The following KCNQ1 variants were observed in gnomAD, a reference collection of about 807,000 sequenced individuals.
KCNQ1 encodes the protein potassium voltage-gated channel subfamily Q member 1.
In KCNQ1, 49 loss-of-function variants were observed where a neutral mutation model predicts 72.4. The observed-to-expected ratio is 0.68, with a 90% CI of 0.54 to 0.86. The LOEUF (loss-of-function observed/expected upper bound fraction) is 0.86. Ranked by LOEUF, KCNQ1 falls within the 40% of genes least tolerant of loss-of-function variation. The probability of loss-of-function intolerance (pLI) is 0.00; values close to 1 mark genes in which losing one functional copy is unlikely to be tolerated. For missense variants in KCNQ1, 790 were observed against 945.1 expected, an observed-to-expected ratio of 0.84 and a Z score of 2.15; for synonymous variants, 450 against 412.6, an observed-to-expected ratio of 1.09 and a Z score of -1.10.
At chr11:2,520,889 T>C (rs1267522744) in intron 1 of KCNQ1, among the ~76,000 whole-genome samples, 2 of 152,146 alleles carry the variant, frequency 1.3e-5, no homozygotes, top group Non-Finnish European at 2.9e-5. Context: ...GCCTTCGGCT[T>C]TAGGTTCGCT....
intron 15 of KCNQ1, among the ~76,000 whole-genome samples, chr11:2,845,495 GGCCCCT>G (rs796776143): frequency 1.2e-4 from 18 of 152,282 alleles, no homozygotes; most frequent in African/African-American, 3.6e-4. Flanking sequence ...GATGGCCCTG[GGCCCCT>G]GCCCCTGCCA....
At chr11:2,684,412 G>A in intron 11 of KCNQ1, 1 of 398,624 alleles carries the variant, frequency 2.5e-6, no homozygotes, top group Non-Finnish European at 4.4e-6. Context: ...ATTCCTCAGT[G>A]CCCCAGCACC....
At chr11:2,501,862 G>C (rs1159038988) in intron 1 of KCNQ1, among the ~76,000 whole-genome samples, 1 of 152,088 alleles carries the variant, frequency 6.6e-6, no homozygotes, top group African/African-American at 2.4e-5. Context: ...CCAAGTGGGA[G>C]TTATCCCAGG....
intron 1 of KCNQ1, among the ~76,000 whole-genome samples, chr11:2,514,234 T>G (rs1013064991): frequency 6.6e-5 from 10 of 152,232 alleles, no homozygotes; most frequent in Non-Finnish European, 2.9e-5. Flanking sequence ...TGCAGGACAC[T>G]GGCTGCCTCC....
In KCNQ1 at chr11:2,682,475, C is replaced by CAAGTGAGTGAGT. The variant is rs112547618; in HGVS notation, c.1514+20394_1514+20395insAAGTGAGTGAGT. 2.6e-6 allele frequency: 1 copy of CAAGTGAGTGAGT among 389,392 alleles called. No individual in the cohort carries two copies. Among genetic ancestry groups the CAAGTGAGTGAGT allele is most frequent in the African/African-American group, 2.1e-5 (1 of 47,568 alleles). The allele number at this position is 389,392 out of a possible 1,614,324, so 24.1% of individuals were successfully genotyped here. Reference sequence around the variant, plus strand: ...TCACGGACCCTCAGTGAATGTTTGACGAGTGAGTGAGTGAGTGAGTGAGTG... The same window carrying CAAGTGAGTGAGT: ...TCACGGACCCTCAGTGAATGTTTGACAAGTGAGTGAGTGAGTGAGTGAGTGAGTGAGTGAGTG... On this transcript the variant is annotated intron_variant, in intron 11 of 15. Transcript: ENST00000155840. The surrounding 1 kb of genome is among the most constrained non-coding windows in gnomAD (Gnocchi z 5.8).
rs1848264620 is a variant in KCNQ1, at chr11:2,567,541, T to C, written c.478-3087T>C. Among the ~76,000 whole-genome samples, 1 of 152,184 alleles carries C rather than the reference T, an allele frequency of 6.6e-6. No individual in the cohort carries two copies. Among genetic ancestry groups the C allele is most frequent in the Non-Finnish European group, 1.5e-5 (1 of 68,032 alleles). On this transcript the variant is annotated intron_variant, in intron 2 of 15. Coordinates refer to ENST00000155840, the MANE Select transcript of KCNQ1 (RefSeq NM_000218.3). The surrounding 1 kb of genome is among the most constrained non-coding windows in gnomAD (Gnocchi z 6.6). ...AGCCCAGGAGAGCGTTTGAGGCTGA[T>C]GGTGGTGGAGATAGTTTTATCTCTG...
rs770580299 is a variant in KCNQ1 at position 2,848,117 on chromosome 11, C to T, written c.*114C>T. The T allele has an allele frequency of 3.3e-6, 3 of 896,530 alleles. No homozygotes were observed. The Admixed American group carries it at 6.0e-5, about 18-fold the overall frequency. The allele number at this position is 896,530 out of a possible 1,614,324, so 55.5% of individuals were successfully genotyped here. On this transcript the variant is annotated 3_prime_UTR_variant, in exon 16 of 16. Coordinates refer to ENST00000155840, the MANE Select transcript of KCNQ1 (RefSeq NM_000218.3). ...AAAAGGCCCAGAGAGAAGAGCCCCA[C>T]TCTCAGAGGCCCCAATACCCCATGG... is the stretch of plus-strand genomic sequence containing the variant.
In KCNQ1 at chr11:2,781,790, T is replaced by C. The variant is rs907454163; in HGVS notation, c.1794+3753T>C. On this transcript the variant is annotated intron_variant, in intron 15 of 15. Transcript: ENST00000155840. The surrounding 1 kb of genome is among the most constrained non-coding windows in gnomAD (Gnocchi z 6.6). ...CTTTCTTCTCTGTTTTTGCCGGAAA[T>C]GTTCATGGCTGAGAGCCGGACACAG... 7.2e-5 allele frequency among the ~76,000 whole-genome samples: 11 copies of C among 152,186 alleles called. No homozygotes were observed. Among genetic ancestry groups the C allele is most frequent in the African/African-American group, 2.4e-4 (10 of 41,430 alleles).
At chr11:2,605,559 A>G (rs1302567149) in intron 10 of KCNQ1, among the ~76,000 whole-genome samples, 1 of 152,184 alleles carries the variant, frequency 6.6e-6, no homozygotes, top group Non-Finnish European at 1.5e-5. Context: ...TCCGCATTGA[A>G]CATTCTTGGC....
chr11:2,615,338 A>T, intron 10 of KCNQ1: 1 of 398,096 alleles, frequency 2.5e-6, no homozygotes, highest in East Asian at 3.6e-5. Flanking sequence ...GTCATTATTG[A>T]ATAAAGAGTT....
chr11:2,811,673 C>T (rs550844766), intron 15 of KCNQ1, among the ~76,000 whole-genome samples: 26 of 152,312 alleles, frequency 1.7e-4, no homozygotes, highest in Admixed American at 9.1e-4. Context: ...TCCCAGTGGG[C>T]GCGCAGCACA....
Position 2,571,378 on chromosome 11 carries a change from C to A in KCNQ1, c.658C>A (p.Gln220Lys), listed in dbSNP as rs755789171. The A allele has an allele frequency of 1.6e-5, 25 of 1,612,732 alleles. No homozygotes were observed. In the South Asian group the frequency reaches 2.6e-4, roughly 17 times the overall value. Residue 220 changes from glutamine to lysine, a missense_variant, in exon 4 of 16, where the codon CAG becomes AAG. Coordinates refer to ENST00000155840, the MANE Select transcript of KCNQ1 (RefSeq NM_000218.3). Reference sequence around the variant, plus strand: ...GGTCCTCTGCGTGGGCTCCAAGGGGCAGGTGTTTGCCACGTCGGCCATCAG... The same window carrying A: ...GGTCCTCTGCGTGGGCTCCAAGGGGAAGGTGTTTGCCACGTCGGCCATCAG... ...MVVLCVGSKGQVFATSAIRGI... is the reference protein window; with the variant it reads ...MVVLCVGSKGKVFATSAIRGI...
intron 1 of KCNQ1, among the ~76,000 whole-genome samples, chr11:2,527,556 C>G (rs1045131224): frequency 1.3e-5 from 2 of 152,230 alleles, no homozygotes; most frequent in African/African-American, 4.8e-5. Context: ...ACCCCACGCC[C>G]ACAGCAGTCC....
intron 1 of KCNQ1, among the ~76,000 whole-genome samples, chr11:2,513,970 C>T (rs1215428241): frequency 1.3e-5 from 2 of 152,210 alleles, no homozygotes; most frequent in African/African-American, 4.8e-5. Context: ...GCTGGCTCAC[C>T]CAGCTGCTCA....
rs982296998 is a variant in KCNQ1 at position 2,565,875 on chromosome 11, C to G, written c.478-4753C>G. The stretch of plus-strand genomic sequence containing the variant: ...GAACGTCTTTGTCCCAGGCCCTTCA[C>G]TGGGTCTGGAGGAAGGAGGGTGCTG... On this transcript the variant is annotated intron_variant, in intron 2 of 15. Coordinates refer to ENST00000155840, the MANE Select transcript of KCNQ1 (RefSeq NM_000218.3). The surrounding 1 kb of genome is among the most constrained non-coding windows in gnomAD (Gnocchi z 5.6). Among the ~76,000 whole-genome samples the G allele has an allele frequency of 1.3e-5, 2 of 152,226 alleles. No individual in the cohort carries two copies. The highest frequency in any genetic ancestry group is 2.9e-5 in the Non-Finnish European group (2 of 68,040).
chr11:2,643,279 T>C, intron 10 of KCNQ1: 1 of 398,350 alleles, frequency 2.5e-6, no homozygotes, highest in Non-Finnish European at 4.4e-6. Flanking sequence ...CCAAGATTAT[T>C]GTGTTGAAGT....
rs1847446499 is a variant in KCNQ1, at chr11:2,809,594, G to A, written c.1794+31557G>A. Among the ~76,000 whole-genome samples the A allele has an allele frequency of 6.6e-6, 1 of 152,156 alleles. No individual in the cohort carries two copies. Among genetic ancestry groups the A allele is most frequent in the Non-Finnish European group, 1.5e-5 (1 of 68,036 alleles). On this transcript the variant is annotated intron_variant, in intron 15 of 15. Transcript: ENST00000155840. This position sits in a 1 kb window ranked among gnomAD's most constrained non-coding sequence, Gnocchi z 7.1. ...ACCTCTTCTCAGTTCTTCGTTTCCA[G>A]TTGGACTCATCTCCTGACTGGTTGG...
At position 2,642,401 on chromosome 11, in the gene KCNQ1, G is replaced by C; in HGVS notation, c.1394-19560G>C. On this transcript the variant is annotated intron_variant, in intron 10 of 15. Coordinates refer to ENST00000155840, the MANE Select transcript of KCNQ1 (RefSeq NM_000218.3). The surrounding 1 kb of genome is among the most constrained non-coding windows in gnomAD (Gnocchi z 4.3). ...TAATGCCTTCTTGATTTCTTTCTCAGCTGGTTCTTTATTGGTATATAGAAA... is the reference window on the plus strand; with the variant it reads ...TAATGCCTTCTTGATTTCTTTCTCACCTGGTTCTTTATTGGTATATAGAAA... 5.0e-6 allele frequency: 2 copies of C among 397,948 alleles called. No homozygotes were observed. The allele number at this position is 397,948 out of a possible 1,614,324, so 24.7% of individuals were successfully genotyped here.
chr11:2,777,982 G>A lies in KCNQ1; in HGVS notation c.1739G>A (p.Ser580Asn), dbSNP rs1364690727. Residue 580 changes from serine to asparagine, a missense_variant, in exon 15 of 16, where the codon AGC becomes AAC. By Grantham distance (46) the Ser-to-Asn change is conservative. Transcript: ENST00000155840. ...PSLFISVSEK[S>N]KDRGSNTIGA... ...GGTGTTTTATCCCCCATAGAAAAGA[G>A]CAAGGATCGCGGCAGCAACACGATC... The A allele has an allele frequency of 3.1e-6, 5 of 1,613,874 alleles. No homozygotes were observed. The highest frequency in any genetic ancestry group is 4.2e-6 in the Non-Finnish European group (5 of 1,180,024).
Sources: allele counts gnomAD v4.1 joint callset (sites outside exome capture counted in the v4.1 genomes callset), GRCh38; gene constraint gnomAD v4.1.1; non-coding constraint Gnocchi (gnomAD v3.1); transcripts MANE v1.5; gene names NCBI Gene and HGNC (gene_info 2026-07-23, HGNC 2026-07-21).